Variants in GK observed in about 807,000 individuals in gnomAD.
The protein encoded by GK is glycerol kinase, also known as ATP:glycerol 3-phosphotransferase.
In GK, 9 loss-of-function variants were observed where a neutral mutation model predicts 56.4. The observed-to-expected ratio is 0.16, with a 90% CI of 0.10 to 0.28. The LOEUF is 0.28. Ranked by LOEUF, GK falls within the 10% of genes least tolerant of loss-of-function variation. The pLI is 1.00. For synonymous variants in GK, 104 were observed against 144.1 expected (o/e 0.72, Z 1.99); for missense variants, 161 against 431.4 (o/e 0.37, Z 5.55).
intron 5 of GK, among the ~76,000 whole-genome samples, chrX:30,694,118 A>C (rs1303032696): frequency 8.9e-6 from 1 of 111,841 alleles, no homozygotes; most frequent in Non-Finnish European, 1.9e-5. Flanking sequence ...AAAAATCAAC[A>C]TCTACATTGT....
intron 5 of GK, 90 bp downstream of exon 5, chrX:30,691,289 C>A: frequency 1.9e-6 from 1 of 512,909 alleles, no homozygotes; most frequent in Non-Finnish European, 3.5e-6. Context: ...TCTTATGGTA[C>A]AATAGTTATT....
intron 13 of GK, among the ~76,000 whole-genome samples, chrX:30,714,246 C>A (rs1308426311): frequency 8.9e-6 from 1 of 111,931 alleles, no homozygotes; most frequent in Non-Finnish European, 1.9e-5. Flanking sequence ...AAGATTACCA[C>A]AAACTTAAGT....
chrX:30,683,119 T>C (rs1934376340), intron 4 of GK, among the ~76,000 whole-genome samples: 1 of 111,757 alleles, frequency 8.9e-6, no homozygotes, highest in Non-Finnish European at 1.9e-5. Context: ...CTATTTCTCT[T>C]GTAAATCTCT....
At chrX:30,698,181 C>T (rs1935339860) in intron 9 of GK, 1 of 125,108 alleles carries the variant, frequency 8.0e-6, no homozygotes, top group Non-Finnish European at 1.6e-5. Context: ...CATCAGAGGT[C>T]CCTCCCTCTG....
chrX:30,696,535 G>A, intron 7 of GK, 82 bp from the exon 8 acceptor site: 1 of 698,738 alleles, frequency 1.4e-6, no homozygotes, highest in South Asian at 2.3e-5. Flanking sequence ...TGTTATTTAT[G>A]CTTTTTGCAT....
intron 1 of GK, among the ~76,000 whole-genome samples, chrX:30,661,965 C>T (rs932302368): frequency 1.8e-5 from 2 of 112,532 alleles, no homozygotes; most frequent in South Asian, 3.6e-4. Context: ...CTTGTGGAAA[C>T]ATCATTAGCC....
At chrX:30,721,141 G>A (rs1294533814) in intron 18 of GK, 146 bp downstream of exon 18, 1 of 558,570 alleles carries the variant, frequency 1.8e-6, no homozygotes, top group Non-Finnish European at 3.1e-6. Flanking sequence ...CAAGCATATT[G>A]GGCTTTACTG....
intron 4 of GK, among the ~76,000 whole-genome samples, chrX:30,683,308 G>A (rs185995208): frequency 1.1e-4 from 12 of 110,724 alleles, no homozygotes; most frequent in Admixed American, 4.9e-4. Flanking sequence ...CTCCCATCTC[G>A]GCCTCCCAAA....
chrX:30,674,171 C>T (rs1933724470), intron 3 of GK: 1 of 283,316 alleles, frequency 3.5e-6, no homozygotes. Flanking sequence ...CTCCATTTTA[C>T]AAGACACAAA....
rs3972657 is a variant in GK at position 30,728,942 on chromosome X, GTT to G, written c.*213_*214del. The G allele has an allele frequency of 6.3e-3, 2,104 of 334,281 alleles. No individual in the cohort carries two copies. The highest frequency in any genetic ancestry group is 0.012 in the East Asian group (239 of 20,315). 27.5% of individuals were successfully genotyped at this position (334,281 alleles called of 1,213,427 possible). A position where few individuals can be genotyped will look rare whatever the true frequency, so the allele number is the denominator to read the frequency against. On this transcript the variant is annotated 3_prime_UTR_variant, in exon 21 of 21. Coordinates refer to ENST00000427190, the MANE Select transcript of GK (RefSeq NM_001205019.2). ...AAGAATGCTATAGAAATATTTGGTG[GTT>G]TTTTTTTTTTTTAAACATCCACAGT...
At chrX:30,678,468 T>C (rs925954226) in intron 4 of GK, among the ~76,000 whole-genome samples, 1 of 111,608 alleles carries the variant, frequency 9.0e-6, no homozygotes, top group Non-Finnish European at 1.9e-5. Flanking sequence ...TACTAAGTTG[T>C]GGGATGGGGA....
intron 3 of GK, among the ~76,000 whole-genome samples, chrX:30,677,031 G>A (rs1933959616): frequency 9.0e-6 from 1 of 111,532 alleles, no homozygotes; most frequent in Non-Finnish European, 1.9e-5. Flanking sequence ...TTGATTATTG[G>A]TCTGCTCAGA....
chrX:30,703,476 T>A (rs1241993687), intron 11 of GK, among the ~76,000 whole-genome samples: 1 of 110,833 alleles, frequency 9.0e-6, no homozygotes, highest in Admixed American at 9.6e-5. Context: ...CATGAGTGAA[T>A]GTGCATGGCA....
chrX:30,673,991 C>A (rs1191898428), intron 3 of GK, among the ~76,000 whole-genome samples: 2 of 111,668 alleles, frequency 1.8e-5, no homozygotes, highest in African/African-American at 6.5e-5. Flanking sequence ...TATTTGCCCT[C>A]CTTAGCTCAG....
chrX:30,727,753 T>A, intron 20 of GK, among the ~76,000 whole-genome samples: 1 of 111,353 alleles, frequency 9.0e-6, no homozygotes, highest in Non-Finnish European at 1.9e-5. Context: ...CCTTTTTAAA[T>A]TTTTAATGTG....
intron 18 of GK, among the ~76,000 whole-genome samples, chrX:30,723,031 G>A (rs759271075): frequency 1.8e-5 from 2 of 112,190 alleles, no homozygotes; most frequent in South Asian, 7.5e-4. Flanking sequence ...TGGGGGGCAT[G>A]GGGCTGTCTC....
chrX:30,686,815 AACTT>A (rs1211617885), intron 4 of GK, among the ~76,000 whole-genome samples: 1 of 111,306 alleles, frequency 9.0e-6, no homozygotes, highest in African/African-American at 3.3e-5. Context: ...TATTTTTATT[AACTT>A]ACTTATTTGA....
intron 3 of GK, chrX:30,674,228 T>C: frequency 6.2e-6 from 2 of 323,958 alleles, no homozygotes; most frequent in South Asian, 5.3e-5. Flanking sequence ...AATTGGAATT[T>C]GAATCCCAGC....
chrX:30,725,086 T>G, intron 19 of GK, among the ~76,000 whole-genome samples: 2 of 110,834 alleles, frequency 1.8e-5, no homozygotes, highest in Non-Finnish European at 3.8e-5. Flanking sequence ...TTTCACCATG[T>G]TGGCCAGGCT....
Sources: gnomAD v4.1 joint callset for allele counts (sites outside exome capture counted in the v4.1 genomes callset) on GRCh38, gnomAD v4.1.1 for gene constraint, MANE v1.5 for transcripts, NCBI Gene and HGNC (gene_info 2026-07-23, HGNC 2026-07-21) for gene names.